MACF1: variants seen among roughly 807,000 people sequenced by gnomAD.
The protein encoded by MACF1 is microtubule actin crosslinking factor 1.
MACF1 carries 193 observed loss-of-function variants against 854.8 expected under a neutral mutation model. The observed-to-expected ratio is 0.23, with a 90% CI of 0.20 to 0.25. The LOEUF is 0.25. Ranked by LOEUF, MACF1 falls within the 10% of genes least tolerant of loss-of-function variation. The probability of loss-of-function intolerance (pLI) is 1.00; values close to 1 mark genes in which losing one functional copy is unlikely to be tolerated. For missense variants in MACF1, 7,722 were observed against 8,929.1 expected, an observed-to-expected ratio of 0.86 and a Z score of 5.45; for synonymous variants, 3,185 against 3,226.7, an observed-to-expected ratio of 0.99 and a Z score of 0.44.
chr1:39,162,207 G>A (rs1388197390), intron 2 of MACF1, among the ~76,000 whole-genome samples: 1 of 152,006 alleles, frequency 6.6e-6, no homozygotes, highest in Non-Finnish European at 1.5e-5. Context: ...TCGCCATGTT[G>A]GCCAGGCTGG....
chr1:39,279,583 T>C (rs1163879308), intron 6 of MACF1, among the ~76,000 whole-genome samples: 1 of 152,178 alleles, frequency 6.6e-6, no homozygotes, highest in Non-Finnish European at 1.5e-5. Context: ...TCTATTGACA[T>C]GCCGGTGTTT....
rs1344830203 is a variant in MACF1 at position 39,459,169 on chromosome 1, T to C, written c.21280T>C (p.Ser7094Pro). The C allele has an allele frequency of 6.2e-7, 1 of 1,614,176 alleles. No individual in the cohort carries two copies. Among genetic ancestry groups the C allele is most frequent in the South Asian group, 1.1e-5 (1 of 91,078 alleles). The stretch of plus-strand genomic sequence containing the variant: ...AAAAAACCCACGGATCAACCAGCTT[T>C]CTGCCCGCTGGCAGCAGGTGTGGCT... ...EAKNPRINQL[S>P]ARWQQVWLLA... The change falls in exon 91 of 101, where the codon TCT (serine) becomes CCT (proline). Residue 7094 changes from serine (S) to proline (P), a missense_variant. Around this residue, in one of 15 missense-constraint regions of MACF1, gnomAD observed 729 missense variants for 900.5 expected, o/e 0.81. Transcript: ENST00000564288.
At position 39,318,517 on chromosome 1, in the gene MACF1, A is replaced by G. The variant is rs779433104; in HGVS notation, c.3847A>G (p.Ile1283Val). 3.7e-6 allele frequency: 6 copies of G among 1,613,988 alleles called. No individual in the cohort carries two copies. In the South Asian group the frequency reaches 5.5e-5, roughly 15 times the overall value. ...GDYRACHGTL[I>V]KWIEETTAQQ... ...TTACCGAGCCTGCCATGGAACTCTC[A>G]TCAAGTGGATTGAGGAAACCACTGC... Residue 1283 changes from isoleucine (I) to valine (V), a missense_variant, in exon 30 of 101, where the codon ATC becomes GTC. Ile to Val is a conservative substitution (Grantham distance 29). Coordinates refer to ENST00000564288, the MANE Select transcript of MACF1 (RefSeq NM_001394062.1).
Position 39,421,237 on chromosome 1 carries a change from G to A in MACF1, c.15817-1137G>A, listed in dbSNP as rs541530783. Among the ~76,000 whole-genome samples the A allele has an allele frequency of 3.9e-5, 6 of 152,226 alleles. No individual in the cohort carries two copies. In the South Asian group the frequency reaches 6.2e-4, roughly 16 times the overall value. ...TTTTCCTTTTAGACATGTCTAAATC[G>A]TAATGGAGCTTAACTGTAGTAGAGC... On this transcript the variant is annotated intron_variant, in intron 58 of 100. Coordinates refer to ENST00000564288, the MANE Select transcript of MACF1 (RefSeq NM_001394062.1).
At chr1:39,198,241 G>T (rs1430274080) in intron 2 of MACF1, among the ~76,000 whole-genome samples, 2 of 152,130 alleles carry the variant, frequency 1.3e-5, no homozygotes, top group African/African-American at 2.4e-5. Flanking sequence ...GGGCGCGGTG[G>T]CTCATGCCTA....
chr1:39,325,096 A>G (rs1168483267), intron 35 of MACF1, among the ~76,000 whole-genome samples: 1 of 152,228 alleles, frequency 6.6e-6, no homozygotes, highest in Admixed American at 6.5e-5. Flanking sequence ...TAATGAATCT[A>G]TGGGTGTGGT....
In MACF1 at chr1:39,332,367, C is replaced by A; in HGVS notation, c.5779C>A (p.Pro1927Thr). 2 of 1,614,008 alleles carry A rather than the reference C, an allele frequency of 1.2e-6. No individual in the cohort carries two copies. The highest frequency in any genetic ancestry group is 1.1e-5 in the South Asian group (1 of 91,072). Residue 1927 changes from proline (P) to threonine (T), a missense_variant, in exon 37 of 101, where the codon CCC (proline) becomes ACC (threonine). By Grantham distance (38) the Pro-to-Thr change is conservative. This residue lies in a region of MACF1 where 1,531 missense variants were observed against 1,601.6 expected (regional missense o/e 0.96). Transcript: ENST00000564288. ...ATCGATTTGTATACCTGATGTGATG[C>A]CCCACATGCAACTAGCAGACTCTGC... is the stretch of plus-strand genomic sequence containing the variant. ...LKSICIPDVM[P>T]HMQLADSAEQ...
rs147033221 is a variant in MACF1 at position 39,322,936 on chromosome 1, G to A, written c.4164G>A (p.Thr1388=). 5.6e-5 allele frequency: 91 copies of A among 1,613,904 alleles called. No homozygotes were observed. Among genetic ancestry groups the A allele is most frequent in the East Asian group, 6.7e-5 (3 of 44,898 alleles). Residue 1388 remains threonine, a synonymous_variant, in exon 33 of 101, where the codon ACG becomes ACA. Transcript: ENST00000564288. The part of the protein sequence containing the change: ...QEFMDLRTRY[T]ALVTLTTQHV... ...TCATGGACTTAAGGACTCGCTACAC[G>A]GCATTGGTGACTTTAACAACTCAGC...
Position 39,435,649 on chromosome 1 carries a change from G to C in MACF1, c.17876G>C (p.Gly5959Ala). 6.2e-7 allele frequency: 1 copy of C among 1,614,114 alleles called. No homozygotes were observed. The highest frequency in any genetic ancestry group is 8.5e-7 in the Non-Finnish European group (1 of 1,180,010). Residue 5959 changes from glycine (G) to alanine (A), a missense_variant, in exon 70 of 101, where the codon GGG becomes GCG. Physicochemically the swap from Gly to Ala is moderately conservative, Grantham distance 60. Around this residue, in one of 15 missense-constraint regions of MACF1, gnomAD observed 2,807 missense variants for 3,235.8 expected, o/e 0.87. Coordinates refer to ENST00000564288, the MANE Select transcript of MACF1 (RefSeq NM_001394062.1). ...PQLKELNPEE[G>A]EMVEEKYQKA... is the part of the protein sequence containing the mutation. ...CTAAAGGAATTAAACCCTGAGGAAG[G>C]GGAAATGGTGGAAGAAAAATACCAG...
At chr1:39,173,944 A>G (rs779011538) in intron 2 of MACF1, among the ~76,000 whole-genome samples, 1 of 151,326 alleles carries the variant, frequency 6.6e-6, no homozygotes, top group Non-Finnish European at 1.5e-5. Flanking sequence ...TTTTTTCTTA[A>G]GCTGTTGTGG....
In MACF1 at chr1:39,453,719, A is replaced by C; in HGVS notation, c.20755A>C (p.Lys6919Gln). 6.2e-7 allele frequency: 1 copy of C among 1,614,146 alleles called. No individual in the cohort carries two copies. The highest frequency in any genetic ancestry group is 1.3e-5 in the African/African-American group (1 of 75,050). Residue 6919 changes from lysine (K) to glutamine (Q), a missense_variant, in exon 88 of 101, where the codon AAA becomes CAA. Physicochemically the swap from Lys to Gln is moderately conservative, Grantham distance 53. Coordinates refer to ENST00000564288, the MANE Select transcript of MACF1 (RefSeq NM_001394062.1). ...CTTTTTTGTTTAGGAATTCATGAAG[A>C]AAGTAGAAGAAAAGCGAGTGGACGT... Reference protein sequence around the residue: ...LIDTHKEFMKKVEEKRVDVNS... With the variant: ...LIDTHKEFMKQVEEKRVDVNS...
chr1:39,146,461 A>AG (rs1553147669), intron 2 of MACF1, among the ~76,000 whole-genome samples: 12 of 151,002 alleles, frequency 7.9e-5, no homozygotes, highest in African/African-American at 1.7e-4. Flanking sequence ...AAAAAAAAAA[A>AG]AAAGAAAGAA....
At chr1:39,372,407 A>ACAGAACAGATGTCC in intron 51 of MACF1, 72 bp from the exon 52 acceptor site, 1 of 805,268 alleles carries the variant, frequency 1.2e-6, no homozygotes, top group East Asian at 2.5e-5. Flanking sequence ...GGGAGTATAT[A>ACAGAACAGATGTCC]CAGAACAGAT....
At chr1:39,291,143 A>G (rs577735218) in intron 15 of MACF1, among the ~76,000 whole-genome samples, 1 of 144,176 alleles carries the variant, frequency 6.9e-6, no homozygotes, top group East Asian at 2.1e-4. Context: ...TGCCTGGCTG[A>G]TTTTTGTATT....
In MACF1 at chr1:39,105,658, A is replaced by G. The variant is rs770926863; in HGVS notation, c.220+21220A>G. The G allele has an allele frequency of 5.9e-5, 73 of 1,236,870 alleles. No homozygotes were observed. The highest frequency in any genetic ancestry group is 2.5e-4 in the East Asian group (3 of 11,852). The allele number at this position is 1,236,870 out of a possible 1,614,324, so 76.6% of individuals were successfully genotyped here. ...TACGTGCCGGGTCAGCAGCCGGCCAACCGCAGCCAGGAGAAGGAGTTCGTG... is the reference window on the plus strand; with the variant it reads ...TACGTGCCGGGTCAGCAGCCGGCCAGCCGCAGCCAGGAGAAGGAGTTCGTG... On this transcript the variant is annotated intron_variant, in intron 2 of 93. Coordinates refer to the MACF1 transcript ENST00000361689. The surrounding 1 kb of genome is among the most constrained non-coding windows in gnomAD (Gnocchi z 5.9).
At chr1:39,138,007 G>A (rs1211012775) in intron 2 of MACF1, among the ~76,000 whole-genome samples, 1 of 148,128 alleles carries the variant, frequency 6.8e-6, no homozygotes, top group African/African-American at 2.5e-5. Flanking sequence ...CTGGGAGGCG[G>A]AGGTTGCAGT....
At chr1:39,268,430 G>C in intron 6 of MACF1, 1 of 1,050,210 alleles carries the variant, frequency 9.5e-7, no homozygotes, top group Non-Finnish European at 1.2e-6. Context: ...GTTTCTGTCT[G>C]CTTTTAGGTC....
chr1:39,143,046 A>T (rs1156927883), intron 2 of MACF1, among the ~76,000 whole-genome samples: 1 of 152,188 alleles, frequency 6.6e-6, no homozygotes, highest in Non-Finnish European at 1.5e-5. Flanking sequence ...TTAAACAAAC[A>T]TTTGGAGTCA....
At chr1:39,448,250 AT>A in intron 83 of MACF1, 98 bp downstream of exon 83, 1 of 1,366,340 alleles carries the variant, frequency 7.3e-7, no homozygotes, top group East Asian at 2.3e-5. Flanking sequence ...AAGAAAACCA[AT>A]TGGTTAATGT....
Sources: gnomAD v4.1 joint callset for allele counts (sites outside exome capture counted in the v4.1 genomes callset) on GRCh38, gnomAD v4.1.1 for gene constraint, gnomAD v4.1.1 regional missense constraint, Gnocchi (gnomAD v3.1) non-coding constraint, MANE v1.5 for transcripts, NCBI Gene and HGNC (gene_info 2026-07-23, HGNC 2026-07-21) for gene names.